Variants in TAB1 observed in about 807,000 individuals in gnomAD.
The protein encoded by TAB1 is TGF-beta-activated kinase 1 and MAP3K7-binding protein 1.
In TAB1, 30 loss-of-function variants were observed where a neutral mutation model predicts 54.5. The observed-to-expected ratio is 0.55, with a 90% CI of 0.41 to 0.75. The LOEUF (loss-of-function observed/expected upper bound fraction) is 0.75, where lower values mean the gene tolerates loss of function less well. TAB1 is among the 30% of genes least tolerant of loss of function. The pLI, the probability that TAB1 is intolerant of heterozygous loss-of-function variation, is 0.00. For synonymous variants in TAB1, 289 were observed against 286.9 expected (o/e 1.01, Z -0.07); for missense variants, 609 against 683.2 (o/e 0.89, Z 1.21).
intron 8 of TAB1, among the ~76,000 whole-genome samples, chr22:39,423,585 A>G (rs1469861727): frequency 1.3e-5 from 2 of 152,098 alleles, no homozygotes; most frequent in East Asian, 3.9e-4. Context: ...AGCCTGAGCA[A>G]CAGAGCAAGA....
At chr22:39,409,123 T>C (rs1054478945) in intron 1 of TAB1, among the ~76,000 whole-genome samples, 2 of 152,234 alleles carry the variant, frequency 1.3e-5, no homozygotes, top group Non-Finnish European at 2.9e-5. Flanking sequence ...TTAAAACACC[T>C]GTGGCACTTT....
intron 8 of TAB1, among the ~76,000 whole-genome samples, chr22:39,424,461 T>C (rs1311184984): frequency 7.5e-5 from 11 of 146,996 alleles, no homozygotes; most frequent in Admixed American, 6.8e-4. Flanking sequence ...TTTTTTTTTT[T>C]TGAGATGGAG....
intron 7 of TAB1, among the ~76,000 whole-genome samples, chr22:39,421,370 G>T (rs1927082650): frequency 6.6e-6 from 1 of 152,198 alleles, no homozygotes; most frequent in African/African-American, 2.4e-5. Context: ...ACACACATGT[G>T]TTGGCATGTA....
At position 39,419,501 on chromosome 22, in the gene TAB1, C is replaced by T; in HGVS notation, c.665-18C>T. 6.4e-7 allele frequency: 1 copy of T among 1,572,250 alleles called. No homozygotes were observed. Among genetic ancestry groups the T allele is most frequent in the Non-Finnish European group, 8.7e-7 (1 of 1,149,032 alleles). On this transcript the variant is annotated intron_variant, in intron 6 of 10. Transcript: ENST00000216160. ...TTGTGAACAAGAAGCAGGATTGTTG[C>T]ACTGTTTCCCTCCGTAGGCTTGGAT...
downstream of TAB1, chr22:39,436,654 G>A (rs2145692099): frequency 8.8e-7 from 1 of 1,134,240 alleles, no homozygotes; most frequent in African/African-American, 1.5e-5. Flanking sequence ...TGTGCACTGG[G>A]ATCTTCTCGT....
intron 1 of TAB1, among the ~76,000 whole-genome samples, chr22:39,410,522 G>A (rs1343841368): frequency 1.3e-5 from 2 of 149,432 alleles, no homozygotes; most frequent in South Asian, 4.2e-4. Flanking sequence ...TAATTTAGTT[G>A]TGACATACTT....
At chr22:39,428,352 A>G (rs924708378) in intron 10 of TAB1, among the ~76,000 whole-genome samples, 169 bp downstream of exon 10, 12 of 152,226 alleles carry the variant, frequency 7.9e-5, no homozygotes, top group African/African-American at 2.7e-4. Flanking sequence ...AAACTGAGGC[A>G]GGTGCGATTT....
chr22:39,421,667 G>A, intron 7 of TAB1, 160 bp from the exon 8 acceptor site: 2 of 755,852 alleles, frequency 2.6e-6, no homozygotes, highest in Non-Finnish European at 4.2e-6. Flanking sequence ...TAAGACGATG[G>A]GTCTATTTTT....
intron 9 of TAB1, 29 bp from the exon 10 acceptor site, chr22:39,427,992 C>T: frequency 6.4e-7 from 1 of 1,553,440 alleles, no homozygotes; most frequent in Non-Finnish European, 8.8e-7. Context: ...CAGCTGCTGC[C>T]TGAGGCCCCC....
chr22:39,405,261 C>T lies in TAB1; in HGVS notation c.33+5426C>T, dbSNP rs568904627. ...ATCATGCACAGGGTGTTTGTAAAGG[C>T]CTTGTTGGGTTAAATACTGTTGGAT... On this transcript the variant is annotated intron_variant, in intron 1 of 10. Transcript: ENST00000216160. 2.9e-4 allele frequency among the ~76,000 whole-genome samples: 44 copies of T among 152,200 alleles called. No individual in the cohort carries two copies. In the East Asian group the frequency reaches 7.7e-3, roughly 27 times the overall value.
Position 39,431,463 on chromosome 22 carries a change from C to A in TAB1, c.*1241C>A. On this transcript the variant is annotated 3_prime_UTR_variant, in exon 11 of 11. Transcript: ENST00000216160. ...CGGATTCTCCACGCCCTCCCCATCT[C>A]CCAGTCTCCCTGCCCCCCATGCCCC... is the stretch of plus-strand genomic sequence containing the variant. 2.0e-6 allele frequency: 2 copies of A among 985,808 alleles called. No individual in the cohort carries two copies. The highest frequency in any genetic ancestry group is 2.4e-6 in the Non-Finnish European group (2 of 830,174). The allele number at this position is 985,808 out of a possible 1,614,324, so 61.1% of individuals were successfully genotyped here.
chr22:39,429,926 G>A, intron 10 of TAB1, 89 bp from the exon 11 acceptor site: 1 of 1,574,502 alleles, frequency 6.4e-7, no homozygotes, highest in Non-Finnish European at 8.6e-7. Context: ...CAAGAGGCTG[G>A]TAGAGGCAGG....
In TAB1 at chr22:39,416,881, A is replaced by T. The variant is rs1926856033; in HGVS notation, c.411+4A>T. 6.2e-7 allele frequency: 1 copy of T among 1,613,950 alleles called. No individual in the cohort carries two copies. The highest frequency in any genetic ancestry group is 1.3e-5 in the African/African-American group (1 of 74,884). On this transcript the variant is annotated splice_donor_region_variant and intron_variant, in intron 4 of 10. Transcript: ENST00000216160. Reference sequence around the variant, plus strand: ...CCTCCAGTCGCAATTGCCAGAGGTAATTTCCCCAGCCGACACCCAGGGGAG... The same window carrying T: ...CCTCCAGTCGCAATTGCCAGAGGTATTTTCCCCAGCCGACACCCAGGGGAG...
chr22:39,407,828 G>A (rs112712140), intron 1 of TAB1, among the ~76,000 whole-genome samples: 2 of 152,062 alleles, frequency 1.3e-5, no homozygotes, highest in African/African-American at 4.8e-5. Flanking sequence ...CACCATGTTA[G>A]CCAGGATGGT....
downstream of TAB1, chr22:39,433,917 C>T (rs1000049465): frequency 1.4e-6 from 1 of 697,860 alleles, no homozygotes; most frequent in African/African-American, 1.9e-5. Context: ...TTGTTTCCTC[C>T]ATGGGTCACT....
At chr22:39,410,897 T>G (rs1926578234) in intron 1 of TAB1, among the ~76,000 whole-genome samples, 2 of 152,146 alleles carry the variant, frequency 1.3e-5, no homozygotes, top group South Asian at 4.1e-4. Flanking sequence ...GCCAAAACAA[T>G]TTTGAAAAAG....
intron 1 of TAB1, among the ~76,000 whole-genome samples, chr22:39,403,466 G>C (rs913281267): frequency 1.3e-5 from 2 of 152,198 alleles, no homozygotes; most frequent in African/African-American, 4.8e-5. Flanking sequence ...TGGGTGGAGT[G>C]CCTTGGGGGA....
downstream of TAB1, chr22:39,433,060 T>C: frequency 1.0e-6 from 1 of 985,430 alleles, no homozygotes; most frequent in Non-Finnish European, 1.2e-6. Flanking sequence ...CTCTCCAGCC[T>C]GTCTGCCTCC....
At chr22:39,407,829 C>T (rs1926434159) in intron 1 of TAB1, among the ~76,000 whole-genome samples, 1 of 152,076 alleles carries the variant, frequency 6.6e-6, no homozygotes. Context: ...ACCATGTTAG[C>T]CAGGATGGTC....
Sources: gnomAD v4.1 joint callset for allele counts (sites outside exome capture counted in the v4.1 genomes callset) on GRCh38, gnomAD v4.1.1 for gene constraint, MANE v1.5 for transcripts, NCBI Gene and HGNC (gene_info 2026-07-23, HGNC 2026-07-21) for gene names.